Variants in CPAMD8 observed in about 807,000 individuals in gnomAD.
CPAMD8 encodes the protein C3 and PZP like alpha-2-macroglobulin domain containing 8, also known as C3 and PZP-like alpha-2-macroglobulin domain-containing protein 8.
CPAMD8 carries 146 observed loss-of-function variants against 224.7 expected under a neutral mutation model. The observed-to-expected ratio is 0.65, with a 90% CI of 0.57 to 0.75. CPAMD8 has a LOEUF of 0.75. CPAMD8 is among the 30% of genes least tolerant of loss of function. The pLI is 0.00. For missense variants in CPAMD8, 2,301 were observed against 2,537.5 expected (o/e 0.91, Z 2.00); for synonymous variants, 966 against 1,044.6 (o/e 0.92, Z 1.45).
chr19:17,011,087 G>A (rs970976045), intron 5 of CPAMD8, among the ~76,000 whole-genome samples: 14 of 151,986 alleles, frequency 9.2e-5, no homozygotes, highest in East Asian at 3.9e-4. Flanking sequence ...CCGGCTACTC[G>A]GGAGGCTAAG....
In CPAMD8 at chr19:16,945,433, G is replaced by A. The variant is rs539567707; in HGVS notation, c.2793+116C>T. The A allele has an allele frequency of 7.6e-4, 1,081 of 1,415,980 alleles. 2 individuals carry two copies. Among genetic ancestry groups the A allele is most frequent in the Non-Finnish European group, 9.0e-4 (948 of 1,052,418 alleles). The allele number at this position is 1,415,980 out of a possible 1,614,324, so 87.7% of individuals were successfully genotyped here. On this transcript the variant is annotated intron_variant, in intron 22 of 41. Coordinates refer to ENST00000443236, the MANE Select transcript of CPAMD8 (RefSeq NM_015692.5). ...GCACCTGAGCTCTCAAGCACAACCC[G>A]TGAAGGCTGCCCAGGCCCTGGCTCA... is the stretch of plus-strand genomic sequence containing the variant.
At chr19:16,971,314 C>T (rs1358988725) in intron 17 of CPAMD8, among the ~76,000 whole-genome samples, 2 of 152,194 alleles carry the variant, frequency 1.3e-5, no homozygotes, top group African/African-American at 2.4e-5. Context: ...CTATCTCCTG[C>T]CTCAGCCTCC....
At position 17,018,717 on chromosome 19, in the gene CPAMD8, T is replaced by C. The variant is rs951723095; in HGVS notation, c.267+1614A>G. Among the ~76,000 whole-genome samples, 293 of 136,824 alleles carry C rather than the reference T, an allele frequency of 2.1e-3. 1 individual carries two copies. The highest frequency in any genetic ancestry group is 7.8e-3 in the African/African-American group (280 of 35,784). 89.8% of individuals were successfully genotyped at this position (136,824 alleles called of 152,430 possible). Reference sequence around the variant, plus strand: ...GGTAAAACCCCATCTCTACTAAAAATACACACACACACACACACACACACA... The same window carrying C: ...GGTAAAACCCCATCTCTACTAAAAACACACACACACACACACACACACACA... On this transcript the variant is annotated intron_variant, in intron 3 of 41. Transcript: ENST00000443236.
intron 11 of CPAMD8, among the ~76,000 whole-genome samples, chr19:16,995,544 G>A (rs542001323): frequency 6.6e-6 from 1 of 152,180 alleles, no homozygotes. Context: ...GGCATTACAG[G>A]TGTCCACCAT....
chr19:17,014,965 G>A (rs2056772142), intron 3 of CPAMD8, among the ~76,000 whole-genome samples: 1 of 152,250 alleles, frequency 6.6e-6, no homozygotes, highest in South Asian at 2.1e-4. Flanking sequence ...CAAATGGCTG[G>A]GCACAGTGGC....
At chr19:17,013,762 C>T (rs1032099092) in intron 3 of CPAMD8, among the ~76,000 whole-genome samples, 18 of 151,398 alleles carry the variant, frequency 1.2e-4, no homozygotes, top group African/African-American at 2.9e-4. Flanking sequence ...GTAAATGCCA[C>T]GGAATTATAT....
At chr19:16,930,003 C>T (rs2053497726) in intron 23 of CPAMD8, among the ~76,000 whole-genome samples, 1 of 152,002 alleles carries the variant, frequency 6.6e-6, no homozygotes, top group African/African-American at 2.4e-5. Context: ...GGTAAAGAAC[C>T]CAGCACTCTG....
At chr19:16,972,745 A>C (rs922087139) in intron 17 of CPAMD8, among the ~76,000 whole-genome samples, 4 of 152,070 alleles carry the variant, frequency 2.6e-5, no homozygotes, top group African/African-American at 9.7e-5. Flanking sequence ...TTGAATAAGA[A>C]ATTCAAACCC....
chr19:16,917,649 A>G (rs1012989822), intron 27 of CPAMD8, among the ~76,000 whole-genome samples: 1 of 152,190 alleles, frequency 6.6e-6, no homozygotes, highest in Non-Finnish European at 1.5e-5. Context: ...GCTGAGGCGG[A>G]AAAATTGCTT....
At chr19:16,970,604 A>G (rs1252117534) in intron 18 of CPAMD8, among the ~76,000 whole-genome samples, 1 of 151,938 alleles carries the variant, frequency 6.6e-6, no homozygotes, top group Admixed American at 6.6e-5. Flanking sequence ...TCTCAAAAAA[A>G]AAAAGGCTCC....
rs12972329 is a variant in CPAMD8 at position 17,002,191 on chromosome 19, C to A, written c.758+75G>T. On this transcript the variant is annotated intron_variant, in intron 9 of 41. Coordinates refer to ENST00000443236, the MANE Select transcript of CPAMD8 (RefSeq NM_015692.5). ...GGGAGGCAGCAGAGGAGGGGAACGACCTTGAGGGAGCAGCGTGATGGTTGG... is the reference window on the plus strand; with the variant it reads ...GGGAGGCAGCAGAGGAGGGGAACGAACTTGAGGGAGCAGCGTGATGGTTGG... The A allele has an allele frequency of 0.15, 149,808 of 1,002,158 alleles. 12,903 individuals are homozygous for A. The highest frequency in any genetic ancestry group is 0.33 in the African/African-American group (20,569 of 61,708). The allele number at this position is 1,002,158 out of a possible 1,614,324, so 62.1% of individuals were successfully genotyped here. A position where few individuals can be genotyped will look rare whatever the true frequency, so the allele number is the denominator to read the frequency against.
At chr19:16,928,732 T>G (rs149842950) in intron 24 of CPAMD8, among the ~76,000 whole-genome samples, 4 of 150,878 alleles carry the variant, frequency 2.7e-5, no homozygotes, top group Admixed American at 6.6e-5. Flanking sequence ...TGCTCCCTGA[T>G]CCTTGGGTGC....
chr19:16,965,439 G>A (rs2054797824), intron 18 of CPAMD8, among the ~76,000 whole-genome samples: 1 of 152,124 alleles, frequency 6.6e-6, no homozygotes, highest in East Asian at 1.9e-4. Context: ...CACAAGACAA[G>A]GATGCCCTCT....
At chr19:16,960,211 CAA>C (rs113199607) in intron 18 of CPAMD8, among the ~76,000 whole-genome samples, 17 of 135,108 alleles carry the variant, frequency 1.3e-4, no homozygotes, top group Admixed American at 1.5e-4. Flanking sequence ...TCTCCTTTCT[CAA>C]AAAAAAAAAA....
intron 3 of CPAMD8, among the ~76,000 whole-genome samples, chr19:17,012,195 T>C (rs2056674644): frequency 6.6e-6 from 1 of 152,076 alleles, no homozygotes; most frequent in Admixed American, 6.6e-5. Flanking sequence ...ATTTTTATGT[T>C]TTTAGTAGAA....
intron 26 of CPAMD8, among the ~76,000 whole-genome samples, chr19:16,923,407 A>T (rs2053246733): frequency 6.6e-6 from 1 of 152,250 alleles, no homozygotes; most frequent in South Asian, 2.1e-4. Flanking sequence ...CTGTGAGGGA[A>T]AGAAGGACGA....
chr19:16,971,091 G>A, intron 17 of CPAMD8, 58 bp from the exon 18 acceptor site: 2 of 1,459,824 alleles, frequency 1.4e-6, no homozygotes, highest in Admixed American at 2.0e-5. Flanking sequence ...ACAGCCCCCA[G>A]AAGCATAAGG....
intron 21 of CPAMD8, among the ~76,000 whole-genome samples, chr19:16,946,818 CAT>C (rs140352629): frequency 6.6e-6 from 1 of 152,178 alleles, no homozygotes; most frequent in African/African-American, 2.4e-5. Flanking sequence ...TGCATGTCTG[CAT>C]GTGTGTGTGC....
At chr19:16,960,058 G>A (rs1285349759) in intron 18 of CPAMD8, among the ~76,000 whole-genome samples, 1 of 151,974 alleles carries the variant, frequency 6.6e-6, no homozygotes, top group African/African-American at 2.4e-5. Context: ...TTCCCTCCCT[G>A]GGTTTTACCA....
Sources: allele counts gnomAD v4.1 joint callset (sites outside exome capture counted in the v4.1 genomes callset), GRCh38; gene constraint gnomAD v4.1.1; transcripts MANE v1.5; gene names NCBI Gene and HGNC (gene_info 2026-07-23, HGNC 2026-07-21).